Variants in HLCS observed in about 807,000 individuals in gnomAD.
HLCS encodes biotin--protein ligase.
In HLCS, 53 loss-of-function variants were observed where a neutral mutation model predicts 75.0. The ratio of observed to expected loss-of-function variants is 0.71; its 90% CI spans 0.57 to 0.89. The LOEUF (loss-of-function observed/expected upper bound fraction) is 0.89, where lower values mean the gene tolerates loss of function less well. Ranked by LOEUF, HLCS falls within the 40% of genes least tolerant of loss-of-function variation. The pLI is 0.00. For missense variants in HLCS, 966 were observed against 1,074.0 expected, an observed-to-expected ratio of 0.90 and a Z score of 1.41; for synonymous variants, 431 against 428.6, an observed-to-expected ratio of 1.01 and a Z score of -0.07.
rs577918294 is a variant in HLCS, at chr21:36,910,002, T to C, written c.1621-12871A>G. ...TCGTAAGTTGCTAGGCAGCCAGAAG[T>C]GAGTTAATCAGAAAATGAATCATCA... is the stretch of plus-strand genomic sequence containing the variant. On this transcript the variant is annotated intron_variant, in intron 5 of 10. Transcript: ENST00000674895. Among the ~76,000 whole-genome samples, 174 of 152,304 alleles carry C rather than the reference T, an allele frequency of 1.1e-3. 1 individual carries two copies. The Middle Eastern group carries it at 0.041, about 36-fold the overall frequency.
At chr21:36,957,174 G>A (rs1311423590) in intron 2 of HLCS, among the ~76,000 whole-genome samples, 1 of 152,212 alleles carries the variant, frequency 6.6e-6, no homozygotes, top group East Asian at 1.9e-4. Flanking sequence ...TGGGGGAAGT[G>A]TTTGGGTAAT....
Position 36,885,323 on chromosome 21 carries a change from A to T in HLCS, c.1892+11537T>A, listed in dbSNP as rs141174841. 1.8e-3 allele frequency among the ~76,000 whole-genome samples: 280 copies of T among 152,130 alleles called. 2 individuals are homozygous for T. The highest frequency in any genetic ancestry group is 3.1e-3 in the Non-Finnish European group (210 of 67,964). ...ACAGTTCAAGGCCAACCTGGGTAAC[A>T]TAGTGGGACCCCTGTCTCTACAAAA... On this transcript the variant is annotated intron_variant, in intron 6 of 10. Transcript: ENST00000674895.
intron 1 of HLCS, among the ~76,000 whole-genome samples, chr21:36,986,285 C>CAAAT (rs1411781797): frequency 6.6e-6 from 1 of 152,180 alleles, no homozygotes; most frequent in African/African-American, 2.4e-5. Context: ...AACCATAAGG[C>CAAAT]AAATACATTT....
chr21:36,875,659 G>C (rs1027493711), intron 6 of HLCS, among the ~76,000 whole-genome samples: 2 of 152,226 alleles, frequency 1.3e-5, no homozygotes, highest in African/African-American at 4.8e-5. Context: ...TCTCCTGAGA[G>C]CTGTTCTGCC....
chr21:36,851,898 T>G (rs1871316881), intron 6 of HLCS: 2 of 152,180 alleles, frequency 1.3e-5, no homozygotes, highest in Non-Finnish European at 2.9e-5. Context: ...AGGAAAAAGG[T>G]AGAAAAACAG....
At chr21:36,835,614 C>A (rs555865928) in intron 6 of HLCS, among the ~76,000 whole-genome samples, 16 of 152,208 alleles carry the variant, frequency 1.1e-4, no homozygotes, top group Non-Finnish European at 1.8e-4. Context: ...CTGGCCCAGG[C>A]AGGCCACACC....
intron 6 of HLCS, among the ~76,000 whole-genome samples, chr21:36,813,239 G>A (rs1164648481): frequency 6.6e-6 from 1 of 152,154 alleles, no homozygotes; most frequent in Non-Finnish European, 1.5e-5. Context: ...ATGATACTAA[G>A]CAACGCAAAC....
intron 1 of HLCS, among the ~76,000 whole-genome samples, chr21:36,987,912 T>C (rs1010453971): frequency 3.0e-4 from 46 of 152,182 alleles, no homozygotes; most frequent in African/African-American, 9.2e-4. Flanking sequence ...TTCTTTGTAG[T>C]TTTGTTTGTT....
intron 6 of HLCS, among the ~76,000 whole-genome samples, chr21:36,857,978 C>A (rs2063255632): frequency 6.6e-6 from 1 of 151,966 alleles, no homozygotes; most frequent in South Asian, 2.1e-4. Flanking sequence ...TTAATAGAGA[C>A]AAGGTTTCAC....
intron 6 of HLCS, among the ~76,000 whole-genome samples, chr21:36,788,720 A>G (rs1225735726): frequency 6.6e-6 from 1 of 152,226 alleles, no homozygotes; most frequent in Non-Finnish European, 1.5e-5. Flanking sequence ...CTGAAGTTAT[A>G]AAAACTCAAA....
chr21:36,901,630 C>T (rs1453818653), intron 5 of HLCS, among the ~76,000 whole-genome samples: 1 of 152,204 alleles, frequency 6.6e-6, no homozygotes, highest in Non-Finnish European at 1.5e-5. Flanking sequence ...TGGTGCCCCT[C>T]GGCTTGTACA....
intron 5 of HLCS, among the ~76,000 whole-genome samples, chr21:36,905,805 C>A (rs1232547241): frequency 1.3e-5 from 2 of 151,882 alleles, no homozygotes. Context: ...TAATCCCAGC[C>A]CTTTGGGAGG....
Position 36,842,271 on chromosome 21 carries a change from G to T in HLCS, c.1892+54589C>A, listed in dbSNP as rs116969985. On this transcript the variant is annotated intron_variant, in intron 6 of 10. Coordinates refer to ENST00000674895, the MANE Select transcript of HLCS (RefSeq NM_001352514.2). This position sits in a 1 kb window ranked among gnomAD's most constrained non-coding sequence, Gnocchi z 4.2. ...TAAGATAGCGTCAGAAATCAGGACA[G>T]TGTTCCCCAAAGGGAGGATGCAGAT... 0.013 allele frequency among the ~76,000 whole-genome samples: 2,040 copies of T among 152,294 alleles called. 24 individuals carry two copies. The highest frequency in any genetic ancestry group is 0.021 in the Non-Finnish European group (1,448 of 68,006).
At chr21:36,757,657 C>T (rs1311533458) in intron 9 of HLCS, among the ~76,000 whole-genome samples, 1 of 152,196 alleles carries the variant, frequency 6.6e-6, no homozygotes, top group Non-Finnish European at 1.5e-5. Context: ...GGCAAGTGTC[C>T]TGCCGTTTCC....
At chr21:36,875,856 C>T (rs546600172) in intron 6 of HLCS, among the ~76,000 whole-genome samples, 63 of 152,034 alleles carry the variant, frequency 4.1e-4, no homozygotes, top group African/African-American at 1.2e-3. Flanking sequence ...GGCAGCTCTT[C>T]GGGGAGCCAG....
chr21:36,973,117 C>T (rs2146714900), intron 1 of HLCS, among the ~76,000 whole-genome samples: 1 of 151,722 alleles, frequency 6.6e-6, no homozygotes, highest in African/African-American at 2.4e-5. Flanking sequence ...GTGGTGACAG[C>T]TTCTCGGGAG....
intron 2 of HLCS, among the ~76,000 whole-genome samples, chr21:36,944,662 T>A (rs189191263): frequency 6.6e-6 from 1 of 152,330 alleles, no homozygotes; most frequent in East Asian, 1.9e-4. Flanking sequence ...TTAGTCAGCA[T>A]CACTAAGTGG....
At chr21:36,772,979 CAAA>C (rs35402890) in intron 6 of HLCS, among the ~76,000 whole-genome samples, 3 of 103,496 alleles carry the variant, frequency 2.9e-5, no homozygotes, top group African/African-American at 4.2e-5. Context: ...GACTCCATCT[CAAA>C]AAAAAAAAAA....
intron 6 of HLCS, among the ~76,000 whole-genome samples, chr21:36,879,915 GA>G (rs11323079): frequency 0.39 from 47,375 of 120,842 alleles, 9,839 homozygotes; most frequent in African/African-American, 0.63. Flanking sequence ...ATCTCTTAAA[GA>G]AAAAAAAAAA....
Sources: gnomAD v4.1 joint callset for allele counts (sites outside exome capture counted in the v4.1 genomes callset) on GRCh38, gnomAD v4.1.1 for gene constraint, Gnocchi (gnomAD v3.1) non-coding constraint, MANE v1.5 for transcripts, NCBI Gene and HGNC (gene_info 2026-07-23, HGNC 2026-07-21) for gene names.